HNF1B: variants seen among roughly 807,000 people sequenced by gnomAD.
HNF1B encodes the protein hepatocyte nuclear factor 1-beta.
Under a neutral mutation model 61.7 loss-of-function variants are expected in HNF1B, and 8 were observed. That is an observed-to-expected ratio of 0.13 (90% confidence interval 0.08 to 0.23). HNF1B has a LOEUF of 0.23. Among genes scored for constraint, HNF1B ranks in the 10% least tolerant of loss-of-function variants. The pLI is 1.00. For missense variants in HNF1B, 562 were observed against 714.5 expected (o/e 0.79, Z 2.43); for synonymous variants, 314 against 287.7 (o/e 1.09, Z -0.93).
intron 4 of HNF1B, among the ~76,000 whole-genome samples, chr17:37,714,004 T>C (rs1398823831): frequency 2.0e-5 from 3 of 152,204 alleles, no homozygotes; most frequent in Admixed American, 2.0e-4. Flanking sequence ...CAAAAATAAG[T>C]GCAAAGTGTG....
intron 8 of HNF1B, among the ~76,000 whole-genome samples, chr17:37,688,380 AACACACAC>A (rs5820230): frequency 0.014 from 1,861 of 136,174 alleles, 33 homozygotes; most frequent in African/African-American, 0.034. Flanking sequence ...GATCCCCCCA[AACACACAC>A]ACACACACAC....
intron 8 of HNF1B, among the ~76,000 whole-genome samples, chr17:37,688,828 C>A (rs2032083057): frequency 5.3e-5 from 8 of 152,116 alleles, no homozygotes; most frequent in Admixed American, 5.2e-4. Context: ...GGCCCAAGCC[C>A]CTGCTGCTCC....
At position 37,702,336 on chromosome 17, in the gene HNF1B, G is replaced by A. The variant is rs144048518; in HGVS notation, c.1340-1159C>T. Among the ~76,000 whole-genome samples the A allele has an allele frequency of 3.5e-3, 532 of 152,250 alleles. 3 individuals are homozygous for A. The highest frequency in any genetic ancestry group is 0.012 in the African/African-American group (488 of 41,548). On this transcript the variant is annotated intron_variant, in intron 6 of 8. Transcript: ENST00000617811. ...CCTACTCAGAGCTTTAGCTGATACT[G>A]TTATCAGAAACCTAAAAGGCGAGAC...
At chr17:37,698,043 GGCAAAGGA>G (rs373069980) in intron 8 of HNF1B, among the ~76,000 whole-genome samples, 39,990 of 151,964 alleles carry the variant, frequency 0.26, 5,876 homozygotes, top group Admixed American at 0.35. Flanking sequence ...AGGAGATCGG[GGCAAAGGA>G]AAGGATAGAG....
intron 1 of HNF1B, among the ~76,000 whole-genome samples, chr17:37,743,137 G>A (rs1420187013): frequency 6.6e-6 from 1 of 152,220 alleles, no homozygotes; most frequent in East Asian, 1.9e-4. Context: ...CGCCGCGCTA[G>A]AAAGCGGGCG....
chr17:37,691,478 A>G (rs1217631228), intron 8 of HNF1B, among the ~76,000 whole-genome samples: 6 of 152,114 alleles, frequency 3.9e-5, no homozygotes, highest in Non-Finnish European at 7.4e-5. Flanking sequence ...ACGGGGAAAT[A>G]AATGCCCTTT....
In HNF1B at chr17:37,720,691, A is replaced by G. The variant is rs1041076898; in HGVS notation, c.1046-10028T>C. The G allele has an allele frequency of 1.2e-5, 8 of 641,840 alleles. No individual in the cohort carries two copies. The Admixed American group carries it at 2.5e-4, about 20-fold the overall frequency. The allele number at this position is 641,840 out of a possible 1,614,324, so 39.8% of individuals were successfully genotyped here. A position where few individuals can be genotyped will look rare whatever the true frequency, so the allele number is the denominator to read the frequency against. On this transcript the variant is annotated intron_variant, in intron 4 of 8. Transcript: ENST00000617811. ...ATATATGGAGTGTCTACCATGTGCC[A>G]GGCACAGGGCTATGGGCTGGAGACA...
intron 4 of HNF1B, among the ~76,000 whole-genome samples, chr17:37,723,180 A>AT (rs2033377076): frequency 1.3e-5 from 2 of 151,560 alleles, no homozygotes; most frequent in Middle Eastern, 3.2e-3. Flanking sequence ...TCTACTAAAA[A>AT]AAAAAAAATA....
At chr17:37,741,839 T>TA (rs925754017) in intron 1 of HNF1B, among the ~76,000 whole-genome samples, 1 of 152,050 alleles carries the variant, frequency 6.6e-6, no homozygotes, top group African/African-American at 2.4e-5. Context: ...GGGGAGGGTT[T>TA]AAAAAAAGCC....
chr17:37,693,558 C>T (rs1281572722), intron 8 of HNF1B, among the ~76,000 whole-genome samples: 1 of 152,204 alleles, frequency 6.6e-6, no homozygotes, highest in Non-Finnish European at 1.5e-5. Flanking sequence ...CGGTTCAGTG[C>T]ACACATCAGC....
At position 37,699,156 on chromosome 17, in the gene HNF1B, T is replaced by C; in HGVS notation, c.1573A>G (p.Thr525Ala). 6.2e-7 allele frequency: 1 copy of C among 1,613,818 alleles called. No homozygotes were observed. Among genetic ancestry groups the C allele is most frequent in the South Asian group, 1.1e-5 (1 of 91,048 alleles). The change falls in exon 8 of 9, where the codon ACC (threonine) becomes GCC (alanine). Residue 525 changes from threonine to alanine, a missense_variant. By Grantham distance (58) the Thr-to-Ala change is moderately conservative (BLOSUM62 0). This residue lies in a region of HNF1B where 64 missense variants were observed against 96.9 expected (regional missense o/e 0.66). Coordinates refer to ENST00000617811, the MANE Select transcript of HNF1B (RefSeq NM_000458.4). ...ACCATTGCAGATGGAAACCGGGAGG[T>C]GTGGGAATACTGGGGGGGTTCCTGC... The part of the protein sequence containing the change: ...HKQEPPQYSH[T>A]SRFPSAMVVT...
intron 6 of HNF1B, 49 bp downstream of exon 6, chr17:37,704,868 A>G (rs1308262033): frequency 9.3e-6 from 15 of 1,606,278 alleles, no homozygotes; most frequent in Admixed American, 1.7e-5. Flanking sequence ...TTTGCTTCCC[A>G]TTCTTCTTCT....
chr17:37,725,259 T>G (rs1233939276), intron 4 of HNF1B, among the ~76,000 whole-genome samples: 1 of 152,172 alleles, frequency 6.6e-6, no homozygotes, highest in African/African-American at 2.4e-5. Context: ...AAGGAGTCCT[T>G]GAATCGTCTA....
intron 6 of HNF1B, among the ~76,000 whole-genome samples, chr17:37,703,898 G>A (rs1465425076): frequency 6.6e-6 from 1 of 152,174 alleles, no homozygotes; most frequent in Non-Finnish European, 1.5e-5. Flanking sequence ...AGCTGATTTA[G>A]GGAGAGAAGA....
At chr17:37,731,503 T>C in intron 4 of HNF1B, 92 bp downstream of exon 4, 1 of 1,024,772 alleles carries the variant, frequency 9.8e-7, no homozygotes. Context: ...CAAAAGCGTT[T>C]GCTCCTCTGA....
intron 4 of HNF1B, among the ~76,000 whole-genome samples, chr17:37,717,068 C>T (rs1236679494): frequency 1.3e-5 from 2 of 152,080 alleles, no homozygotes; most frequent in African/African-American, 4.8e-5. Context: ...GAAAACAGGA[C>T]CAGAATTGTT....
intron 8 of HNF1B, among the ~76,000 whole-genome samples, chr17:37,692,651 A>G (rs1392844679): frequency 1.3e-5 from 2 of 152,328 alleles, no homozygotes; most frequent in East Asian, 3.9e-4. Context: ...CTGAACATCT[A>G]ATATAGCCCA....
chr17:37,726,821 T>A (rs143484976), intron 4 of HNF1B, among the ~76,000 whole-genome samples: 49 of 152,252 alleles, frequency 3.2e-4, no homozygotes, highest in African/African-American at 1.1e-3. Context: ...CCCCTGAAAG[T>A]CCTCCTGGCA....
chr17:37,711,301 A>T (rs1171811355), intron 4 of HNF1B, among the ~76,000 whole-genome samples: 1 of 152,192 alleles, frequency 6.6e-6, no homozygotes, highest in Non-Finnish European at 1.5e-5. Context: ...TAGAACTCAC[A>T]TTCCTTTGCT....
Sources: gnomAD v4.1 joint callset for allele counts (sites outside exome capture counted in the v4.1 genomes callset) on GRCh38, gnomAD v4.1.1 for gene constraint, gnomAD v4.1.1 regional missense constraint, MANE v1.5 for transcripts, NCBI Gene and HGNC (gene_info 2026-07-23, HGNC 2026-07-21) for gene names.